ITPK1: variants seen among roughly 807,000 people sequenced by gnomAD.
The protein encoded by ITPK1 is inositol 1,3,4-trisphosphate 5/6-kinase.
A neutral mutation model predicts 45.3 loss-of-function variants in ITPK1; 21 were observed. That is an observed-to-expected ratio of 0.46 (90% confidence interval 0.33 to 0.67). ITPK1 has a LOEUF of 0.67. Among genes scored for constraint, ITPK1 ranks in the 30% least tolerant of loss-of-function variants. ITPK1 has a pLI of 0.02. For synonymous variants in ITPK1, 258 were observed against 253.6 expected, an observed-to-expected ratio of 1.02 and a Z score of -0.16; for missense variants, 474 against 573.5, an observed-to-expected ratio of 0.83 and a Z score of 1.77.
chr14:92,993,512 G>A (rs1231229175), intron 5 of ITPK1, among the ~76,000 whole-genome samples: 2 of 152,262 alleles, frequency 1.3e-5, no homozygotes, highest in East Asian at 3.9e-4. Flanking sequence ...TTCAGTTTCT[G>A]TTTGTGTCCT....
At chr14:93,020,015 G>A (rs1021010735) in intron 3 of ITPK1, among the ~76,000 whole-genome samples, 16 of 152,204 alleles carry the variant, frequency 1.1e-4, no homozygotes, top group African/African-American at 3.6e-4. Context: ...AAGGCTGCCC[G>A]CCGGGGCCTG....
intron 8 of ITPK1, among the ~76,000 whole-genome samples, chr14:92,957,886 TCCTC>T (rs1424757933): frequency 1.3e-5 from 2 of 152,172 alleles, no homozygotes; most frequent in Non-Finnish European, 2.9e-5. Context: ...CCCAGCGTGT[TCCTC>T]CATGAATATC....
At position 93,034,067 on chromosome 14, in the gene ITPK1, G is replaced by T. The variant is rs553577030; in HGVS notation, c.121-17266C>A. Among the ~76,000 whole-genome samples, 261 of 151,956 alleles carry T rather than the reference G, an allele frequency of 1.7e-3. No individual in the cohort carries two copies. The highest frequency in any genetic ancestry group is 5.8e-3 in the African/African-American group (242 of 41,426). On this transcript the variant is annotated intron_variant, in intron 3 of 10. Coordinates refer to ENST00000267615, the MANE Select transcript of ITPK1 (RefSeq NM_014216.6). This position sits in a 1 kb window ranked among gnomAD's most constrained non-coding sequence, Gnocchi z 4.1. ...GAAAGAGTGGGCTCTGATGCTGGGA[G>T]CCCCCAGCTCCCTATCCAAAGTGTA...
intron 4 of ITPK1, among the ~76,000 whole-genome samples, chr14:93,006,460 G>A (rs999330244): frequency 2.0e-5 from 3 of 152,350 alleles, no homozygotes; most frequent in Admixed American, 1.3e-4. Context: ...GCAGGGGCCC[G>A]AGCACGCAAA....
rs760936526 is a variant in ITPK1 at position 92,946,413 on chromosome 14, C to T, written c.819G>A (p.Leu273=). The T allele has an allele frequency of 6.8e-6, 11 of 1,613,338 alleles. No individual in the cohort carries two copies. In the East Asian group the frequency reaches 2.0e-4, roughly 29 times the overall value. ...RELSRALRQA[L]GVSLFGIDII... is the part of the protein sequence containing the mutation. Reference sequence around the variant, plus strand: ...TGTCGATGCCGAAGAGTGACACGCCCAGTGCCTGCCGCAGGGCCCGGGAGA... The same window carrying T: ...TGTCGATGCCGAAGAGTGACACGCCTAGTGCCTGCCGCAGGGCCCGGGAGA... Residue 273 remains leucine, a synonymous_variant, in exon 10 of 11, where the codon CTG becomes CTA. Coordinates refer to ENST00000267615, the MANE Select transcript of ITPK1 (RefSeq NM_014216.6).
chr14:93,008,486 C>T (rs892600160), intron 4 of ITPK1, among the ~76,000 whole-genome samples: 3 of 152,278 alleles, frequency 2.0e-5, no homozygotes, highest in South Asian at 4.1e-4. Flanking sequence ...GAGAGACAAA[C>T]GGGTAGGGGC....
At chr14:92,963,701 G>C (rs1460384971) in intron 5 of ITPK1, among the ~76,000 whole-genome samples, 6 of 152,228 alleles carry the variant, frequency 3.9e-5, no homozygotes, top group Admixed American at 3.9e-4. Context: ...GACCTGTTCT[G>C]TTCATCCTGA....
intron 2 of ITPK1, among the ~76,000 whole-genome samples, chr14:93,077,946 T>C (rs1375676031): frequency 1.2e-4 from 18 of 152,182 alleles, no homozygotes; most frequent in Admixed American, 1.2e-3. Context: ...TGCTCAAAGA[T>C]GGCTGCAGCC....
intron 3 of ITPK1, among the ~76,000 whole-genome samples, chr14:93,022,989 A>G (rs1274356019): frequency 6.6e-6 from 1 of 152,222 alleles, no homozygotes; most frequent in African/African-American, 2.4e-5. Flanking sequence ...AACCCAGAAT[A>G]TGAAAATAAA....
At chr14:93,007,052 A>C (rs947342499) in intron 4 of ITPK1, among the ~76,000 whole-genome samples, 1 of 152,106 alleles carries the variant, frequency 6.6e-6, no homozygotes, top group African/African-American at 2.4e-5. Flanking sequence ...GACAGCTGGG[A>C]TTTCCACGCA....
chr14:93,042,135 T>C (rs1382177200), intron 3 of ITPK1, among the ~76,000 whole-genome samples: 1 of 152,270 alleles, frequency 6.6e-6, no homozygotes, highest in Non-Finnish European at 1.5e-5. Context: ...ATTTTATAAG[T>C]TGAGGAAATT....
At chr14:93,068,733 C>T (rs1890863928) in intron 3 of ITPK1, 1 of 152,148 alleles carries the variant, frequency 6.6e-6, no homozygotes, top group African/African-American at 2.4e-5. Flanking sequence ...TTCAGCATAC[C>T]TTTTAAAAAA....
rs376130929 is a variant in ITPK1 at position 92,957,497 on chromosome 14, C to T, written c.670+704G>A. Among the ~76,000 whole-genome samples the T allele has an allele frequency of 2.2e-3, 337 of 152,292 alleles. 2 individuals are homozygous for T. The highest frequency in any genetic ancestry group is 7.9e-3 in the African/African-American group (330 of 41,558). ...GCTGGAGAGGGCGGTGAGCAGCTGG[C>T]GGAAGGAAGGCCCCTCAGCGCAGTG... On this transcript the variant is annotated intron_variant, in intron 8 of 10. Transcript: ENST00000267615.
intron 7 of ITPK1, among the ~76,000 whole-genome samples, chr14:92,961,385 T>C (rs1161584414): frequency 6.6e-6 from 1 of 152,244 alleles, no homozygotes; most frequent in Admixed American, 6.5e-5. Flanking sequence ...TCACATCCTA[T>C]GCATCTGTCT....
chr14:92,946,937 G>A (rs1453756859), intron 9 of ITPK1, among the ~76,000 whole-genome samples: 1 of 152,218 alleles, frequency 6.6e-6, no homozygotes, highest in African/African-American at 2.4e-5. Flanking sequence ...ACCGAAGCCG[G>A]AACTTGGAGG....
chr14:92,969,587 C>A (rs907647346), intron 5 of ITPK1, among the ~76,000 whole-genome samples: 4 of 152,218 alleles, frequency 2.6e-5, no homozygotes, highest in African/African-American at 4.8e-5. Flanking sequence ...AGCAGACAAG[C>A]CCCTTCTGCC....
rs1174256612 is a variant in ITPK1, at chr14:93,076,532, C to G, written c.120+63G>C. The G allele has an allele frequency of 1.4e-5, 22 of 1,572,178 alleles. No homozygotes were observed. Among genetic ancestry groups the G allele is most frequent in the Non-Finnish European group, 1.8e-5 (20 of 1,142,500 alleles). ...CAATGCTGGAGGAGAGAAGGAGAGA[C>G]AGAGAGGTGGGCACCAAGGGCCCCA... is the stretch of plus-strand genomic sequence containing the variant. On this transcript the variant is annotated intron_variant, in intron 3 of 10. Transcript: ENST00000267615. This position sits in a 1 kb window ranked among gnomAD's most constrained non-coding sequence, Gnocchi z 4.3.
chr14:93,039,676 C>T (rs1889479134), intron 3 of ITPK1, among the ~76,000 whole-genome samples: 1 of 152,224 alleles, frequency 6.6e-6, no homozygotes, highest in African/African-American at 2.4e-5. Context: ...CGCACCTACA[C>T]CTCACAGGGT....
chr14:93,000,624 G>A (rs936549925), intron 4 of ITPK1, among the ~76,000 whole-genome samples: 3 of 152,164 alleles, frequency 2.0e-5, no homozygotes, highest in African/African-American at 4.8e-5. Context: ...CTCTGTGACT[G>A]AACTGTTGTG....
Sources: allele counts gnomAD v4.1 joint callset (sites outside exome capture counted in the v4.1 genomes callset), GRCh38; gene constraint gnomAD v4.1.1; non-coding constraint Gnocchi (gnomAD v3.1); transcripts MANE v1.5; gene names NCBI Gene and HGNC (gene_info 2026-07-23, HGNC 2026-07-21).